Variants in NFIC observed in about 807,000 individuals in gnomAD.
The protein encoded by NFIC is nuclear factor 1 C-type.
A neutral mutation model predicts 54.4 loss-of-function variants in NFIC; 12 were observed. The observed-to-expected ratio is 0.22, with a 90% CI of 0.14 to 0.36. The LOEUF (loss-of-function observed/expected upper bound fraction) is 0.36, where lower values mean the gene tolerates loss of function less well. NFIC is among the 10% of genes least tolerant of loss of function. The pLI is 1.00. For synonymous variants in NFIC, 322 were observed against 319.2 expected, an observed-to-expected ratio of 1.01 and a Z score of -0.09; for missense variants, 575 against 718.2, an observed-to-expected ratio of 0.80 and a Z score of 2.28.
At chr19:3,456,492 C>T (rs2082558327) in intron 9 of NFIC, 58 bp from the exon 10 acceptor site, 2 of 1,520,254 alleles carry the variant, frequency 1.3e-6, no homozygotes, top group African/African-American at 1.4e-5. Flanking sequence ...GGGGCCAGGG[C>T]CGCCCCGGCT....
chr19:3,376,428 CAAAAAAAAAAAAAA>C (rs35724239), intron 1 of NFIC, among the ~76,000 whole-genome samples: 18 of 48,190 alleles, frequency 3.7e-4, no homozygotes, highest in South Asian at 1.2e-3. Flanking sequence ...GACACTGTCT[CAAAAAAAAAAAAAA>C]AAAAAAAAAA....
chr19:3,381,960 G>A lies in NFIC; in HGVS notation c.279G>A (p.Val93=), dbSNP rs761424215. 2 of 1,613,534 alleles carry A rather than the reference G, an allele frequency of 1.2e-6. No homozygotes were observed. Among genetic ancestry groups the A allele is most frequent in the East Asian group, 2.2e-5 (1 of 44,876 alleles). Residue 93 remains valine, a synonymous_variant, in exon 2 of 11, where the codon GTG becomes GTA. Transcript: ENST00000443272. ...GGCCCGAGTGCCGCGAGGACTTCGT[G>A]CTGAGCATCACCGGCAAGAAGGCGC... ...DIRPECREDF[V]LSITGKKAPG...
chr19:3,376,874 G>A (rs1038769444), intron 1 of NFIC, among the ~76,000 whole-genome samples: 1 of 151,732 alleles, frequency 6.6e-6, no homozygotes, highest in African/African-American at 2.4e-5. Context: ...GATTACAGGC[G>A]CCTGTCACCA....
chr19:3,429,248 ATATATACACACAC>A (rs1164479022), intron 3 of NFIC, among the ~76,000 whole-genome samples: 4 of 60,216 alleles, frequency 6.6e-5, no homozygotes, highest in Admixed American at 2.2e-4. Flanking sequence ...AAAAAAAAAA[ATATATACACACAC>A]ACACACACAC....
rs558585288 is a variant in NFIC at position 3,469,028 on chromosome 19, C to T, written c.*6259C>T. ...ACGCAGTCATTTTGGTTTTCGCGGA[C>T]GCGCCTACCTAAGTACCATTTACAG... On this transcript the variant is annotated 3_prime_UTR_variant, in exon 11 of 11. Transcript: ENST00000443272. 47 of 148,022 alleles carry T rather than the reference C, an allele frequency of 3.2e-4. No individual in the cohort carries two copies. The highest frequency in any genetic ancestry group is 1.0e-3 in the African/African-American group (41 of 39,974). The allele number at this position is 148,022 out of a possible 1,614,324, so 9.2% of individuals were successfully genotyped here. A position where few individuals can be genotyped will look rare whatever the true frequency, so the allele number is the denominator to read the frequency against.
chr19:3,394,526 C>CCCA (rs1166467471), intron 2 of NFIC, among the ~76,000 whole-genome samples: 2 of 66,414 alleles, frequency 3.0e-5, no homozygotes, highest in Non-Finnish European at 6.0e-5. Flanking sequence ...CCCACCCACC[C>CCCA]CCCACCCGCT....
intron 2 of NFIC, among the ~76,000 whole-genome samples, chr19:3,411,837 T>C (rs1444237263): frequency 6.6e-6 from 1 of 152,174 alleles, no homozygotes; most frequent in Non-Finnish European, 1.5e-5. Context: ...CCGTGTTTGC[T>C]TGTGCAATCA....
chr19:3,363,711 G>A (rs796476977), upstream of NFIC, among the ~76,000 whole-genome samples: 6 of 152,310 alleles, frequency 3.9e-5, no homozygotes, highest in African/African-American at 1.4e-4. Flanking sequence ...ACAGCAGTGG[G>A]GTCTCAGCCA....
chr19:3,371,174 G>T (rs114812129), intron 1 of NFIC, among the ~76,000 whole-genome samples: 4 of 152,188 alleles, frequency 2.6e-5, no homozygotes, highest in African/African-American at 7.2e-5. Flanking sequence ...GTGTTGCTGT[G>T]CTTGTGATTG....
At chr19:3,460,166 C>T (rs533797043) in intron 10 of NFIC, among the ~76,000 whole-genome samples, 1 of 152,250 alleles carries the variant, frequency 6.6e-6, no homozygotes, top group South Asian at 2.1e-4. Flanking sequence ...TCCTCAGCCC[C>T]CCTGTGCTTA....
At chr19:3,385,573 GT>G (rs569020735) in intron 2 of NFIC, among the ~76,000 whole-genome samples, 13,793 of 109,010 alleles carry the variant, frequency 0.13, 586 homozygotes, top group South Asian at 0.18. Context: ...GGTTGTTGTT[GT>G]TTTTTTTTTT....
intron 2 of NFIC, among the ~76,000 whole-genome samples, chr19:3,417,792 A>ATT (rs71164696): frequency 0.02 from 2,614 of 132,534 alleles, 55 homozygotes; most frequent in African/African-American, 0.053. Flanking sequence ...CGCCCGGCTA[A>ATT]TTTTTTTTTT....
At chr19:3,411,638 G>T (rs2081762468) in intron 2 of NFIC, among the ~76,000 whole-genome samples, 1 of 151,952 alleles carries the variant, frequency 6.6e-6, no homozygotes, top group Non-Finnish European at 1.5e-5. Flanking sequence ...CATTTTAAAG[G>T]CTCTGAAAAG....
At chr19:3,393,866 T>G (rs2081415544) in intron 2 of NFIC, among the ~76,000 whole-genome samples, 1 of 149,904 alleles carries the variant, frequency 6.7e-6, no homozygotes, top group Non-Finnish European at 1.5e-5. Flanking sequence ...TAATTTAACA[T>G]TTTTCTGGTC....
At chr19:3,384,058 T>G (rs866704388) in intron 2 of NFIC, among the ~76,000 whole-genome samples, 3,530 of 150,468 alleles carry the variant, frequency 0.023, 152 homozygotes, top group African/African-American at 0.081. Flanking sequence ...TGTTTTTTTT[T>G]TTTTTTTTTT....
At chr19:3,450,709 ATTAAGGGGGG>A (rs1244153809) in intron 7 of NFIC, among the ~76,000 whole-genome samples, 4 of 152,156 alleles carry the variant, frequency 2.6e-5, no homozygotes, top group Admixed American at 1.3e-4. Flanking sequence ...TGCCATTGGG[ATTAAGGGGGG>A]TGAATTGTAG....
At chr19:3,427,046 C>T (rs2082038432) in intron 3 of NFIC, among the ~76,000 whole-genome samples, 1 of 151,948 alleles carries the variant, frequency 6.6e-6, no homozygotes, top group Admixed American at 6.6e-5. Flanking sequence ...CCTGCCTCAG[C>T]CTCCCGAGTA....
rs1308279022 is a variant in NFIC at position 3,467,368 on chromosome 19, C to T, written c.*4599C>T. On this transcript the variant is annotated 3_prime_UTR_variant, in exon 11 of 11. Coordinates refer to ENST00000443272, the MANE Select transcript of NFIC (RefSeq NM_001245002.2). ...GCATGGAGGAGTAGGAAGACCCAGC[C>T]CTATTTGACTGGGGAGAGGAGGATC... is the stretch of plus-strand genomic sequence containing the variant. 6.6e-6 allele frequency: 1 copy of T among 151,742 alleles called. No homozygotes were observed. Among genetic ancestry groups the T allele is most frequent in the Non-Finnish European group, 1.5e-5 (1 of 67,930 alleles). The allele number at this position is 151,742 out of a possible 1,614,324, so 9.4% of individuals were successfully genotyped here. A position where few individuals can be genotyped will look rare whatever the true frequency, so the allele number is the denominator to read the frequency against.
intron 2 of NFIC, among the ~76,000 whole-genome samples, chr19:3,420,556 A>AAAAAAAAAAAATAAAT (rs1555751892): frequency 2.1e-5 from 3 of 142,750 alleles, no homozygotes; most frequent in East Asian, 2.1e-4. Flanking sequence ...CCATCTCAAA[A>AAAAAAAAAAAATAAAT]AAATAAATAA....
Sources: gnomAD v4.1 joint callset for allele counts (sites outside exome capture counted in the v4.1 genomes callset) on GRCh38, gnomAD v4.1.1 for gene constraint, MANE v1.5 for transcripts, NCBI Gene and HGNC (gene_info 2026-07-23, HGNC 2026-07-21) for gene names.